Variants in FYB1 observed in about 807,000 individuals in gnomAD.
The protein encoded by FYB1 is FYN-binding protein 1.
A neutral mutation model predicts 94.1 loss-of-function variants in FYB1; 41 were observed. That is an observed-to-expected ratio of 0.44 (90% CI 0.34 to 0.57). The LOEUF (loss-of-function observed/expected upper bound fraction) is 0.57. Among genes scored for constraint, FYB1 ranks in the 20% least tolerant of loss-of-function variants. The probability of loss-of-function intolerance (pLI) is 0.02; values close to 1 mark genes in which losing one functional copy is unlikely to be tolerated. For missense variants in FYB1, 1,050 were observed against 976.8 expected, an observed-to-expected ratio of 1.07 and a Z score of -1.00; for synonymous variants, 367 against 353.2, an observed-to-expected ratio of 1.04 and a Z score of -0.44.
intron 1 of FYB1, chr5:39,213,158 T>A (rs1035812708): frequency 6.6e-6 from 1 of 152,106 alleles, no homozygotes; most frequent in African/African-American, 2.4e-5. Context: ...ACATATAATA[T>A]CTCATTTGAT....
Position 39,118,995 on chromosome 5 carries a change from T to G in FYB1, c.2280A>C (p.Thr760=), listed in dbSNP as rs753771789. The change falls in exon 16 of 19, where the codon ACA becomes ACC. Residue 760 remains threonine, a synonymous_variant. Transcript: ENST00000512982. ...EIRVLYSTKV[T]TSITSKKWGT... is the part of the protein sequence containing the mutation. ...CCCACTTTTTAGAAGTTATGGAAGT[T>G]GTAACTTTAGTTGAATATAGGACTC... 6.5e-7 allele frequency: 1 copy of G among 1,532,002 alleles called. No individual in the cohort carries two copies. Among genetic ancestry groups the G allele is most frequent in the Admixed American group, 1.8e-5 (1 of 54,910 alleles). The allele number at this position is 1,532,002 out of a possible 1,614,324, so 94.9% of individuals were successfully genotyped here. A position where few individuals can be genotyped will look rare whatever the true frequency, so the allele number is the denominator to read the frequency against.
rs1251667401 is a variant in FYB1, at chr5:39,127,736, C to T, written c.1907+5G>A. On this transcript the variant is annotated splice_donor_5th_base_variant and intron_variant, in intron 11 of 18. Transcript: ENST00000512982. ...TGCAAAAAGCAGTTCACTGATTATT[C>T]TTACCCATCATCAGCATCTTCCTCT... The T allele has an allele frequency of 6.3e-7, 1 of 1,598,038 alleles. No individual in the cohort carries two copies. The highest frequency in any genetic ancestry group is 8.5e-7 in the Non-Finnish European group (1 of 1,172,646).
intron 2 of FYB1, among the ~76,000 whole-genome samples, chr5:39,158,399 T>C (rs1743947700): frequency 6.6e-6 from 1 of 152,134 alleles, no homozygotes. Flanking sequence ...TTCACTGAAA[T>C]GCAGGCTACC....
chr5:39,214,178 C>T (rs544658465), intron 1 of FYB1, among the ~76,000 whole-genome samples: 1 of 151,758 alleles, frequency 6.6e-6, no homozygotes, highest in Non-Finnish European at 1.5e-5. Flanking sequence ...AAAATGTAAA[C>T]CAAAATGAGA....
chr5:39,146,077 G>C (rs539704720), intron 3 of FYB1, among the ~76,000 whole-genome samples: 1 of 151,676 alleles, frequency 6.6e-6, no homozygotes, highest in South Asian at 2.1e-4. Context: ...ACCATGCCCG[G>C]CTAATTTTTG....
chr5:39,206,940 G>T (rs557571827), intron 1 of FYB1, among the ~76,000 whole-genome samples: 2 of 152,260 alleles, frequency 1.3e-5, no homozygotes, highest in African/African-American at 4.8e-5. Flanking sequence ...TATATGATCA[G>T]CAACCCTTGG....
chr5:39,165,870 A>G (rs1033060485), intron 2 of FYB1, among the ~76,000 whole-genome samples: 2 of 152,242 alleles, frequency 1.3e-5, no homozygotes, highest in African/African-American at 4.8e-5. Flanking sequence ...CAAGAATATG[A>G]AAAAGTGCTC....
chr5:39,121,988 A>G (rs901339684), intron 14 of FYB1, among the ~76,000 whole-genome samples: 1 of 152,162 alleles, frequency 6.6e-6, no homozygotes, highest in Non-Finnish European at 1.5e-5. Flanking sequence ...ACTGGTTGTG[A>G]CCAAGATCTT....
At chr5:39,111,414 C>T (rs1178786756) in intron 16 of FYB1, among the ~76,000 whole-genome samples, 1 of 151,508 alleles carries the variant, frequency 6.6e-6, no homozygotes, top group Non-Finnish European at 1.5e-5. Flanking sequence ...AGCTCATAAG[C>T]AAAAATTAAT....
chr5:39,200,752 C>T (rs948302909), intron 2 of FYB1, among the ~76,000 whole-genome samples: 3 of 152,166 alleles, frequency 2.0e-5, no homozygotes, highest in Non-Finnish European at 4.4e-5. Flanking sequence ...GATGTTTCTA[C>T]AGTGCAAAAA....
chr5:39,127,590 G>C, intron 11 of FYB1, 151 bp downstream of exon 11: 1 of 812,820 alleles, frequency 1.2e-6, no homozygotes, highest in East Asian at 3.3e-5. Flanking sequence ...ACACTTCCTG[G>C]TTTACAATTG....
intron 2 of FYB1, among the ~76,000 whole-genome samples, chr5:39,172,808 C>T (rs1478274571): frequency 6.6e-6 from 1 of 152,160 alleles, no homozygotes; most frequent in East Asian, 1.9e-4. Flanking sequence ...CATAGTATTC[C>T]ATGGTGTATA....
intron 2 of FYB1, among the ~76,000 whole-genome samples, chr5:39,183,697 C>T (rs1223812579): frequency 6.6e-6 from 1 of 152,154 alleles, no homozygotes; most frequent in African/African-American, 2.4e-5. Context: ...CTATTCTTGA[C>T]TTTGTAAAAA....
chr5:39,175,468 T>G (rs749624099), intron 2 of FYB1, among the ~76,000 whole-genome samples: 3 of 152,168 alleles, frequency 2.0e-5, no homozygotes, highest in Non-Finnish European at 4.4e-5. Context: ...GGGGGCTTCT[T>G]TTGACTCATT....
chr5:39,246,396 A>G (rs1014138362), intron 1 of FYB1, among the ~76,000 whole-genome samples: 7 of 152,220 alleles, frequency 4.6e-5, no homozygotes, highest in African/African-American at 1.2e-4. Flanking sequence ...TATGGTGTCA[A>G]TTCAGCTTGG....
chr5:39,218,680 TC>T (rs1202108233), intron 1 of FYB1, among the ~76,000 whole-genome samples: 1 of 152,196 alleles, frequency 6.6e-6, no homozygotes, highest in African/African-American at 2.4e-5. Context: ...TAAGTGGCTC[TC>T]CCAAAGTCAC....
At chr5:39,256,107 G>A (rs75600220) in intron 1 of FYB1, among the ~76,000 whole-genome samples, 4 of 152,152 alleles carry the variant, frequency 2.6e-5, no homozygotes. Flanking sequence ...GTTAAATACA[G>A]ATCTTAGCAA....
intron 14 of FYB1, 65 bp from the exon 15 acceptor site, chr5:39,119,699 C>A (rs553725418): frequency 4.1e-5 from 56 of 1,367,578 alleles, no homozygotes; most frequent in Non-Finnish European, 4.6e-5. Flanking sequence ...TAGTCCATAA[C>A]AGAGACGATT....
At chr5:39,182,820 T>A (rs1490041907) in intron 2 of FYB1, among the ~76,000 whole-genome samples, 1 of 152,242 alleles carries the variant, frequency 6.6e-6, no homozygotes, top group Non-Finnish European at 1.5e-5. Flanking sequence ...ATTTGTGCTA[T>A]TGTTTCCTTT....
Sources: gnomAD v4.1 joint callset for allele counts (sites outside exome capture counted in the v4.1 genomes callset) on GRCh38, gnomAD v4.1.1 for gene constraint, MANE v1.5 for transcripts, NCBI Gene and HGNC (gene_info 2026-07-23, HGNC 2026-07-21) for gene names.